The following TCP11L2 variants were observed in gnomAD, a reference collection of about 807,000 sequenced individuals.
TCP11L2 encodes T-complex protein 11-like protein 2.
TCP11L2 carries 39 observed loss-of-function variants against 50.7 expected under a neutral mutation model. The observed-to-expected ratio is 0.77, with a 90% CI of 0.60 to 1.01. The LOEUF (loss-of-function observed/expected upper bound fraction) is 1.01, where lower values mean the gene tolerates loss of function less well. Ranked by LOEUF, TCP11L2 falls within the 50% of genes least tolerant of loss-of-function variation. The pLI is 0.00. For synonymous variants in TCP11L2, 192 were observed against 219.3 expected (o/e 0.88, Z 1.10); for missense variants, 612 against 614.7 (o/e 1.00, Z 0.05).
intron 1 of TCP11L2, among the ~76,000 whole-genome samples, chr12:106,308,581 T>A (rs1363135862): frequency 6.6e-6 from 1 of 152,164 alleles, no homozygotes; most frequent in Non-Finnish European, 1.5e-5. Context: ...AGAGAAAAAT[T>A]AAGAGCAGAG....
chr12:106,328,896 T>A (rs1445701221), intron 6 of TCP11L2, among the ~76,000 whole-genome samples: 1 of 152,132 alleles, frequency 6.6e-6, no homozygotes, highest in African/African-American at 2.4e-5. Flanking sequence ...CTGAACACTC[T>A]CACCACTCAG....
In TCP11L2 at chr12:106,302,848, G is replaced by A. The variant is rs1172889746; in HGVS notation, c.-129G>A. On this transcript the variant is annotated 5_prime_UTR_variant, in exon 1 of 10. Coordinates refer to ENST00000299045, the MANE Select transcript of TCP11L2 (RefSeq NM_152772.3). ...GTTTGTTGGGCTGGTGAGTTTTCGA[G>A]GTGACTGTGCTGTGCTCGGTGAGGG... is the stretch of plus-strand genomic sequence containing the variant. The A allele has an allele frequency of 1.3e-5, 2 of 152,994 alleles. No homozygotes were observed. Among genetic ancestry groups the A allele is most frequent in the Non-Finnish European group, 2.9e-5 (2 of 68,772 alleles). The allele number at this position is 152,994 out of a possible 1,614,324, so 9.5% of individuals were successfully genotyped here.
Position 106,315,097 on chromosome 12 carries a change from T to C in TCP11L2, c.293+604T>C, listed in dbSNP as rs139674797. 4.4e-4 allele frequency among the ~76,000 whole-genome samples: 66 copies of C among 151,034 alleles called. No individual in the cohort carries two copies. In the East Asian group the frequency reaches 0.012, roughly 26 times the overall value. ...TAAAAACACAAAAATTAGCCGGCCA[T>C]GGTGGTGGGGCGCGTGTAATCCCAG... On this transcript the variant is annotated intron_variant, in intron 3 of 9. Coordinates refer to ENST00000299045, the MANE Select transcript of TCP11L2 (RefSeq NM_152772.3).
intron 1 of TCP11L2, among the ~76,000 whole-genome samples, chr12:106,305,206 A>G (rs988982581): frequency 5.9e-5 from 9 of 152,184 alleles, no homozygotes; most frequent in African/African-American, 2.2e-4. Context: ...AAATGGGGAT[A>G]ATACTGATAC....
chr12:106,327,589 A>G (rs1456957880), intron 6 of TCP11L2, among the ~76,000 whole-genome samples: 1 of 152,202 alleles, frequency 6.6e-6, no homozygotes, highest in African/African-American at 2.4e-5. Flanking sequence ...AGCTTTGCAT[A>G]TAGGTCATTA....
At chr12:106,340,200 T>C (rs578044858) in intron 8 of TCP11L2, among the ~76,000 whole-genome samples, 1 of 152,344 alleles carries the variant, frequency 6.6e-6, no homozygotes, top group African/African-American at 2.4e-5. Flanking sequence ...AAATGCCTTT[T>C]CTAATTACCT....
In TCP11L2 at chr12:106,309,506, C is replaced by T. The variant is rs182578088; in HGVS notation, c.-35-1535C>T. 5.3e-5 allele frequency among the ~76,000 whole-genome samples: 8 copies of T among 151,996 alleles called. No individual in the cohort carries two copies. The South Asian group carries it at 8.3e-4, about 16-fold the overall frequency. On this transcript the variant is annotated intron_variant, in intron 1 of 9. Coordinates refer to ENST00000299045, the MANE Select transcript of TCP11L2 (RefSeq NM_152772.3). ...AGACGGTTGTTTAGGTGAGGCAAGG[C>T]GCAAATGACCTTAGACCTTTCACCC...
At chr12:106,310,577 T>C (rs997681524) in intron 1 of TCP11L2, among the ~76,000 whole-genome samples, 1 of 152,238 alleles carries the variant, frequency 6.6e-6, no homozygotes, top group Non-Finnish European at 1.5e-5. Flanking sequence ...TATTCAATCT[T>C]CTGGCAACCC....
chr12:106,344,854 T>C (rs952375368), intron 9 of TCP11L2, among the ~76,000 whole-genome samples: 1 of 152,144 alleles, frequency 6.6e-6, no homozygotes, highest in African/African-American at 2.4e-5. Flanking sequence ...TTCTATGCTT[T>C]TGTGTAGTCG....
At chr12:106,334,317 G>A (rs2035838844) in intron 6 of TCP11L2, among the ~76,000 whole-genome samples, 1 of 152,102 alleles carries the variant, frequency 6.6e-6, no homozygotes, top group Admixed American at 6.5e-5. Flanking sequence ...AAAGGTTATG[G>A]GAAGGATTTA....
In TCP11L2 at chr12:106,321,546, T is replaced by G. The variant is rs891553515; in HGVS notation, c.475T>G (p.Leu159Val). ...GCTTCGCAACCAAATCTGTGAAGTT[T>G]TGGACACAGACCTCATTAGGCAGCA... The part of the protein sequence containing the change: ...NRLRNQICEV[L>V]DTDLIRQQAE... The change falls in exon 5 of 10, where the codon TTG (leucine) becomes GTG (valine). Residue 159 changes from leucine to valine, a missense_variant. Leu to Val is a conservative substitution (Grantham distance 32). Transcript: ENST00000299045. The G allele has an allele frequency of 5.0e-6, 8 of 1,614,110 alleles. No individual in the cohort carries two copies. The Admixed American group carries it at 1.3e-4, about 27-fold the overall frequency.
chr12:106,326,074 C>T (rs2035535625), intron 6 of TCP11L2, among the ~76,000 whole-genome samples: 1 of 152,114 alleles, frequency 6.6e-6, no homozygotes, highest in African/African-American at 2.4e-5. Context: ...TGCACAGCTG[C>T]AAGAGGCTGG....
intron 6 of TCP11L2, among the ~76,000 whole-genome samples, chr12:106,327,588 T>C (rs558926641): frequency 6.6e-6 from 1 of 152,322 alleles, no homozygotes; most frequent in Non-Finnish European, 1.5e-5. Flanking sequence ...CAGCTTTGCA[T>C]ATAGGTCATT....
intron 6 of TCP11L2, chr12:106,325,302 C>G (rs1257409640): frequency 6.6e-6 from 1 of 152,282 alleles, no homozygotes; most frequent in Admixed American, 6.5e-5. Flanking sequence ...TGAGTGTGGA[C>G]TCTGAAAGAA....
chr12:106,310,694 A>G (rs1032150555), intron 1 of TCP11L2, among the ~76,000 whole-genome samples: 5 of 152,196 alleles, frequency 3.3e-5, no homozygotes, highest in Non-Finnish European at 5.9e-5. Context: ...ATCTGACCCA[A>G]GTCCCACACT....
chr12:106,322,912 A>G (rs1448635366), intron 5 of TCP11L2, among the ~76,000 whole-genome samples: 2 of 152,188 alleles, frequency 1.3e-5, no homozygotes, highest in Non-Finnish European at 2.9e-5. Context: ...GATGTTCATC[A>G]TGGTCATTTG....
rs1469308055 is a variant in TCP11L2 at position 106,314,576 on chromosome 12, T to TGTGTGTGAGAGA, written c.293+84_293+85insTGTGTGAGAGAG. 2.0e-4 allele frequency: 57 copies of TGTGTGTGAGAGA among 282,750 alleles called. No individual in the cohort carries two copies. The African/African-American group carries it at 2.1e-3, about 10-fold the overall frequency. The allele number at this position is 282,750 out of a possible 1,614,324, so 17.5% of individuals were successfully genotyped here. The stretch of plus-strand genomic sequence containing the variant: ...GTGTGTGTGTGTGTGTGTGTGTGTG[T>TGTGTGTGAGAGA]GAGAGAGAGAGAGAGAGAGAGAGAG... On this transcript the variant is annotated intron_variant, in intron 3 of 9. Coordinates refer to ENST00000299045, the MANE Select transcript of TCP11L2 (RefSeq NM_152772.3).
chr12:106,330,915 TGTA>T (rs749433632), intron 6 of TCP11L2, among the ~76,000 whole-genome samples: 8 of 152,204 alleles, frequency 5.3e-5, no homozygotes, highest in South Asian at 4.1e-4. Context: ...TAACCTATAT[TGTA>T]GTAATATTTA....
Position 106,318,390 on chromosome 12 carries a change from G to T in TCP11L2, c.340G>T (p.Val114Phe). 1 of 1,614,030 alleles carries T rather than the reference G, an allele frequency of 6.2e-7. No homozygotes were observed. The highest frequency in any genetic ancestry group is 8.5e-7 in the Non-Finnish European group (1 of 1,179,934). ...KHIVHQAFWD[V>F]LDSELNADPP... The stretch of plus-strand genomic sequence containing the variant: ...CATTGTTCACCAGGCCTTCTGGGAC[G>T]TCTTGGATTCAGAACTAAATGCTGA... Residue 114 changes from valine (V) to phenylalanine (F), a missense_variant, in exon 4 of 10, where the codon GTC becomes TTC. Val to Phe is a conservative substitution (Grantham distance 50, BLOSUM62 -1). Coordinates refer to ENST00000299045, the MANE Select transcript of TCP11L2 (RefSeq NM_152772.3).
Sources: gnomAD v4.1 joint callset for allele counts (sites outside exome capture counted in the v4.1 genomes callset) on GRCh38, gnomAD v4.1.1 for gene constraint, MANE v1.5 for transcripts, NCBI Gene and HGNC (gene_info 2026-07-23, HGNC 2026-07-21) for gene names.